Variants in GPHN observed in about 807,000 individuals in gnomAD.
GPHN encodes the protein gephyrin.
Under a neutral mutation model 95.5 loss-of-function variants are expected in GPHN, and 17 were observed. The ratio of observed to expected loss-of-function variants is 0.18; its 90% CI spans 0.12 to 0.27. The LOEUF is 0.27. GPHN is among the 10% of genes least tolerant of loss of function. The pLI is 1.00. For synonymous variants in GPHN, 320 were observed against 322.5 expected (o/e 0.99, Z 0.08); for missense variants, 660 against 978.1 (o/e 0.67, Z 4.34).
the GPHN span, among the ~76,000 whole-genome samples, chr14:67,445,237 G>C: frequency 1.3e-5 from 2 of 152,296 alleles, no homozygotes; most frequent in East Asian, 3.9e-4. Flanking sequence ...CCTGACAAGA[G>C]GGTCGTGGGA....
the GPHN span, among the ~76,000 whole-genome samples, chr14:67,596,774 T>C: frequency 6.6e-6 from 1 of 152,198 alleles, no homozygotes; most frequent in Non-Finnish European, 1.5e-5. Context: ...AATCCCACCT[T>C]GCCCCTGATG....
At chr14:67,312,616 T>C in the GPHN span, 1 of 1,613,850 alleles carries the variant, frequency 6.2e-7, no homozygotes, top group Non-Finnish European at 8.5e-7. Flanking sequence ...AAAAAGGTGA[T>C]ATACTTCATG....
chr14:67,625,402 G>C, the GPHN span, among the ~76,000 whole-genome samples: 279 of 152,290 alleles, frequency 1.8e-3, 1 homozygote, highest in Non-Finnish European at 1.7e-3. Context: ...GTGGGGGCCA[G>C]GCACGGTGGC....
At chr14:66,949,755 T>C (rs1167741046) in intron 8 of GPHN, among the ~76,000 whole-genome samples, 2 of 152,112 alleles carry the variant, frequency 1.3e-5, no homozygotes, top group African/African-American at 2.4e-5. Context: ...TAAAATAAAA[T>C]TTTAAGTGGC....
At chr14:67,100,996 A>G (rs1274266697) in intron 13 of GPHN, 85 bp downstream of exon 13, 1 of 804,724 alleles carries the variant, frequency 1.2e-6, no homozygotes, top group Non-Finnish European at 2.2e-6. Context: ...CTATCAGTTT[A>G]GTGGAAATTA....
the GPHN span, among the ~76,000 whole-genome samples, chr14:67,665,015 A>G: frequency 3.0e-4 from 46 of 152,246 alleles, 1 homozygote; most frequent in African/African-American, 1.1e-3. Flanking sequence ...ACAGGAGTGC[A>G]CCACCACAAC....
intron 5 of GPHN, among the ~76,000 whole-genome samples, chr14:66,905,092 C>T (rs908991333): frequency 6.6e-6 from 1 of 152,160 alleles, no homozygotes; most frequent in Non-Finnish European, 1.5e-5. Flanking sequence ...TTTTCTGTAT[C>T]TTACCGGTGA....
intron 5 of GPHN, among the ~76,000 whole-genome samples, chr14:66,915,217 T>G (rs776008357): frequency 1.3e-5 from 2 of 152,112 alleles, no homozygotes; most frequent in Non-Finnish European, 2.9e-5. Context: ...TGTTCTTACA[T>G]TACTTTAAAA....
At chr14:67,422,297 A>G in the GPHN span, among the ~76,000 whole-genome samples, 3 of 152,082 alleles carry the variant, frequency 2.0e-5, no homozygotes, top group Non-Finnish European at 2.9e-5. Context: ...GAAAGCCCCA[A>G]TAAAGGCTCT....
At chr14:67,073,343 T>C (rs2076379749) in intron 11 of GPHN, among the ~76,000 whole-genome samples, 1 of 152,140 alleles carries the variant, frequency 6.6e-6, no homozygotes, top group African/African-American at 2.4e-5. Context: ...AGTGATATCC[T>C]ACTCATTTGA....
chr14:67,494,338 C>G, the GPHN span, among the ~76,000 whole-genome samples: 1 of 152,094 alleles, frequency 6.6e-6, no homozygotes, highest in Non-Finnish European at 1.5e-5. Flanking sequence ...TGAGAAAGGC[C>G]GAGAAGAGAA....
At chr14:67,594,510 G>C in the GPHN span, among the ~76,000 whole-genome samples, 5 of 151,764 alleles carry the variant, frequency 3.3e-5, no homozygotes, top group Admixed American at 3.3e-4. Flanking sequence ...AGCTGGGCGT[G>C]TTGGCACGTG....
chr14:67,422,636 C>T, the GPHN span, among the ~76,000 whole-genome samples: 1 of 152,206 alleles, frequency 6.6e-6, no homozygotes, highest in African/African-American at 2.4e-5. Context: ...TCCCAGTTCA[C>T]CCCTAACTTC....
chr14:66,727,223 C>G (rs1405681906), intron 2 of GPHN, among the ~76,000 whole-genome samples: 1 of 152,196 alleles, frequency 6.6e-6, no homozygotes, highest in Non-Finnish European at 1.5e-5. Flanking sequence ...GATTGTGAGG[C>G]CTCCCCAGCC....
At chr14:66,934,958 A>G (rs139012581) in intron 8 of GPHN, among the ~76,000 whole-genome samples, 1,834 of 152,320 alleles carry the variant, frequency 0.012, 19 homozygotes, top group Non-Finnish European at 0.018. Context: ...AAATGTATCA[A>G]ATAGGAATCC....
At chr14:67,214,144 T>G in the GPHN span, among the ~76,000 whole-genome samples, 24,324 of 152,160 alleles carry the variant, frequency 0.16, 3,705 homozygotes, top group East Asian at 0.44. Flanking sequence ...TAGTTTCTTT[T>G]GCTGTGCAGA....
At chr14:67,152,067 A>G (rs895535159) in intron 18 of GPHN, among the ~76,000 whole-genome samples, 2 of 152,204 alleles carry the variant, frequency 1.3e-5, no homozygotes, top group Non-Finnish European at 2.9e-5. Context: ...TTAACTTTTT[A>G]TAGATAAAAT....
chr14:67,701,356 T>A, the GPHN span, among the ~76,000 whole-genome samples: 1 of 151,646 alleles, frequency 6.6e-6, no homozygotes, highest in Admixed American at 6.5e-5. Context: ...ACTTATAACT[T>A]TTTTTTGATT....
At chr14:66,596,235 T>C (rs2061966854) in intron 1 of GPHN, among the ~76,000 whole-genome samples, 1 of 151,984 alleles carries the variant, frequency 6.6e-6, no homozygotes, top group Non-Finnish European at 1.5e-5. Flanking sequence ...TGCTGATTGG[T>C]CCATGGAAAG....
Sources: gnomAD v4.1 joint callset for allele counts (sites outside exome capture counted in the v4.1 genomes callset) on GRCh38, gnomAD v4.1.1 for gene constraint, MANE v1.5 for transcripts, NCBI Gene and HGNC (gene_info 2026-07-23, HGNC 2026-07-21) for gene names.